The following TAF1B variants were observed in gnomAD, a reference collection of about 807,000 sequenced individuals.
The protein encoded by TAF1B is TATA box-binding protein-associated factor RNA polymerase I subunit B.
Under a neutral mutation model 83.9 loss-of-function variants are expected in TAF1B, and 61 were observed. The observed-to-expected ratio is 0.73, with a 90% CI of 0.59 to 0.90. The LOEUF (loss-of-function observed/expected upper bound fraction) is 0.90, where lower values mean the gene tolerates loss of function less well. TAF1B is among the 40% of genes least tolerant of loss of function. The pLI is 0.00. For synonymous variants in TAF1B, 221 were observed against 224.6 expected, an observed-to-expected ratio of 0.98 and a Z score of 0.14; for missense variants, 625 against 677.0, an observed-to-expected ratio of 0.92 and a Z score of 0.85.
intron 5 of TAF1B, among the ~76,000 whole-genome samples, chr2:9,857,925 G>A (rs569318995): frequency 6.6e-6 from 1 of 152,166 alleles, no homozygotes; most frequent in South Asian, 2.1e-4. Context: ...GATTTGGATG[G>A]GGACAGAGCC....
chr2:9,849,224 G>A, intron 2 of TAF1B, 149 bp from the exon 3 acceptor site: 1 of 573,434 alleles, frequency 1.7e-6, no homozygotes, highest in Non-Finnish European at 3.0e-6. Flanking sequence ...TAACTAGAAT[G>A]TTAAATGTTT....
chr2:9,920,977 G>A (rs929420235), intron 14 of TAF1B, among the ~76,000 whole-genome samples: 2 of 152,186 alleles, frequency 1.3e-5, no homozygotes, highest in Non-Finnish European at 2.9e-5. Flanking sequence ...GATCGGCTCT[G>A]TGGCATACTG....
chr2:9,918,002 G>T (rs1041282795), intron 12 of TAF1B, among the ~76,000 whole-genome samples: 21 of 150,764 alleles, frequency 1.4e-4, no homozygotes, highest in Non-Finnish European at 2.1e-4. Flanking sequence ...AACCCGGGAG[G>T]CGGAGCTTGC....
At chr2:9,883,878 A>G (rs452789) in intron 8 of TAF1B, among the ~76,000 whole-genome samples, 42,246 of 152,218 alleles carry the variant, frequency 0.28, 6,846 homozygotes, top group Middle Eastern at 0.4. Flanking sequence ...GAAGGATGTC[A>G]TATTGTTGCG....
rs78323752 is a variant in TAF1B at position 9,899,729 on chromosome 2, G to A, written c.808-5130G>A. 4.7e-3 allele frequency among the ~76,000 whole-genome samples: 723 copies of A among 152,254 alleles called. 4 individuals are homozygous for A. The highest frequency in any genetic ancestry group is 0.016 in the African/African-American group (684 of 41,552). On this transcript the variant is annotated intron_variant, in intron 8 of 14. Coordinates refer to ENST00000263663, the MANE Select transcript of TAF1B (RefSeq NM_005680.3). ...GAAGGAATGTAGAAAATAATGAGAA[G>A]TACAAAGAAGGAGATGAAAATCACA...
intron 2 of TAF1B, chr2:9,846,190 A>T: frequency 2.2e-6 from 1 of 459,850 alleles, no homozygotes. Flanking sequence ...CTTGAATGTG[A>T]GTCTTCTGAC....
intron 2 of TAF1B, among the ~76,000 whole-genome samples, chr2:9,846,435 A>G (rs1249438147): frequency 6.6e-6 from 1 of 152,240 alleles, no homozygotes; most frequent in East Asian, 1.9e-4. Flanking sequence ...CAAAGTCTAC[A>G]GATCCAGGAA....
intron 11 of TAF1B, 127 bp from the exon 12 acceptor site, chr2:9,913,032 T>C: frequency 4.3e-6 from 3 of 691,834 alleles, no homozygotes; most frequent in Non-Finnish European, 4.8e-6. Context: ...CTCTCTAATG[T>C]CTACATCTTG....
chr2:9,912,385 TAG>T (rs1665559338), intron 11 of TAF1B, among the ~76,000 whole-genome samples: 1 of 152,160 alleles, frequency 6.6e-6, no homozygotes, highest in Non-Finnish European at 1.5e-5. Flanking sequence ...CTGTTCTCAT[TAG>T]GATTTATGTT....
intron 8 of TAF1B, 80 bp from the exon 9 acceptor site, chr2:9,904,779 C>A: frequency 7.4e-7 from 1 of 1,354,446 alleles, no homozygotes; most frequent in Non-Finnish European, 1.0e-6. Context: ...TTAATAATAG[C>A]CATTCTAAAT....
intron 10 of TAF1B, 22 bp from the exon 11 acceptor site, chr2:9,911,489 A>G: frequency 6.7e-7 from 1 of 1,491,520 alleles, no homozygotes; most frequent in Non-Finnish European, 9.0e-7. Context: ...AAATAAATTG[A>G]TTTGTTTATT....
chr2:9,862,726 T>C (rs927831680), intron 5 of TAF1B, among the ~76,000 whole-genome samples: 1 of 152,214 alleles, frequency 6.6e-6, no homozygotes, highest in Non-Finnish European at 1.5e-5. Context: ...GGGAAGCCCA[T>C]CAGACTAATA....
intron 2 of TAF1B, 187 bp downstream of exon 2, chr2:9,845,505 TGA>T: frequency 2.1e-6 from 1 of 487,788 alleles, no homozygotes; most frequent in East Asian, 3.5e-5. Context: ...AGATTGAGGA[TGA>T]GTTTTTGAAA....
At chr2:9,874,218 CT>C (rs36107838) in intron 6 of TAF1B, among the ~76,000 whole-genome samples, 1 of 152,246 alleles carries the variant, frequency 6.6e-6, no homozygotes, top group South Asian at 2.1e-4. Context: ...CTACACTGGC[CT>C]TTTTGCTGTT....
chr2:9,857,769 G>A (rs1558615947), intron 5 of TAF1B, among the ~76,000 whole-genome samples: 1 of 152,198 alleles, frequency 6.6e-6, no homozygotes, highest in East Asian at 1.9e-4. Context: ...CCCATGCAGG[G>A]GGAAACTGCC....
chr2:9,843,551 GAGGAGGCGGTA>G lies in TAF1B; in HGVS notation c.18+3_18+13del. ...CTCCCGCGGCGCCGCGATGGACCTC[GAGGAGGCGGTA>G]AGGAGGCGGTGCACCTGGCGGGCCA... is the stretch of plus-strand genomic sequence containing the variant. On this transcript the variant is annotated splice_donor_variant and splice_donor_region_variant and coding_sequence_variant and intron_variant, in exon 1 of 15. Transcript: ENST00000263663. LOFTEE classifies it high-confidence loss of function. The G allele has an allele frequency of 3.9e-6, 6 of 1,529,696 alleles. No homozygotes were observed. The highest frequency in any genetic ancestry group is 4.4e-6 in the Non-Finnish European group (5 of 1,136,358). 94.8% of individuals were successfully genotyped at this position (1,529,696 alleles called of 1,614,324 possible).
intron 8 of TAF1B, among the ~76,000 whole-genome samples, chr2:9,901,892 A>T (rs1558258197): frequency 2.0e-5 from 3 of 149,828 alleles, no homozygotes; most frequent in Non-Finnish European, 4.5e-5. Flanking sequence ...TCCCAACATT[A>T]AAAAAAAAAC....
In TAF1B at chr2:9,914,267, A is replaced by G. The variant is rs998211422; in HGVS notation, c.1271+1018A>G. 2.0e-5 allele frequency among the ~76,000 whole-genome samples: 3 copies of G among 152,130 alleles called. No homozygotes were observed. Among genetic ancestry groups the G allele is most frequent in the African/African-American group, 7.2e-5 (3 of 41,426 alleles). On this transcript the variant is annotated intron_variant, in intron 12 of 14. Transcript: ENST00000263663. This position sits in a 1 kb window ranked among gnomAD's most constrained non-coding sequence, Gnocchi z 4.3. ...TAGGCAGGATTGATGCACAATGAAG[A>G]AGAGGGGTGGAGGTGAATTTATCCC...
intron 8 of TAF1B, among the ~76,000 whole-genome samples, chr2:9,904,491 T>C (rs1435904286): frequency 6.6e-6 from 1 of 152,224 alleles, no homozygotes; most frequent in Non-Finnish European, 1.5e-5. Context: ...AATTTCTTCA[T>C]CTAGTCCACT....
Sources: allele counts gnomAD v4.1 joint callset (sites outside exome capture counted in the v4.1 genomes callset), GRCh38; gene constraint gnomAD v4.1.1; non-coding constraint Gnocchi (gnomAD v3.1); transcripts MANE v1.5; gene names NCBI Gene and HGNC (gene_info 2026-07-23, HGNC 2026-07-21).